Variants in PRKN observed in about 807,000 individuals in gnomAD.
PRKN encodes the protein E3 ubiquitin-protein ligase parkin.
A neutral mutation model predicts 59.5 loss-of-function variants in PRKN; 56 were observed. The ratio of observed to expected loss-of-function variants is 0.94; its 90% CI spans 0.76 to 1.18. The LOEUF is 1.18. Among genes scored for constraint, PRKN ranks in the 50% most tolerant of loss-of-function variants. The pLI, the probability that PRKN is intolerant of heterozygous loss-of-function variation, is 0.00. For missense variants in PRKN, 657 were observed against 596.4 expected (o/e 1.10, Z -1.06); for synonymous variants, 250 against 222.1 (o/e 1.13, Z -1.12).
chr6:162,183,814 T>C lies in PRKN; in HGVS notation c.534+17317A>G, dbSNP rs953323238. Among the ~76,000 whole-genome samples, 44 of 152,196 alleles carry C rather than the reference T, an allele frequency of 2.9e-4. 1 individual carries two copies. The highest frequency in any genetic ancestry group is 2.4e-3 in the Admixed American group (37 of 15,280). ...CGATCCCTACCATACACCCCATTTA[T>C]GCAATAGCCAAGTAACTTTTTTCCA... On this transcript the variant is annotated intron_variant, in intron 4 of 11. Transcript: ENST00000366898.
chr6:161,985,835 C>T (rs1261589399), intron 5 of PRKN, among the ~76,000 whole-genome samples: 1 of 152,134 alleles, frequency 6.6e-6, no homozygotes, highest in Non-Finnish European at 1.5e-5. Context: ...GGCTGGACTT[C>T]CCCCCTTCAC....
intron 1 of PRKN, among the ~76,000 whole-genome samples, chr6:162,482,904 C>A (rs1041859781): frequency 6.7e-6 from 1 of 150,174 alleles, no homozygotes; most frequent in African/African-American, 2.5e-5. Flanking sequence ...AGCAGAAACA[C>A]TCCGGCCTGA....
intron 4 of PRKN, among the ~76,000 whole-genome samples, chr6:162,135,349 G>A (rs746778223): frequency 2.0e-5 from 3 of 152,056 alleles, no homozygotes; most frequent in Non-Finnish European, 4.4e-5. Context: ...TTTTATTCCC[G>A]ATTAGTTGTC....
At chr6:162,175,319 CA>C (rs1783483501) in intron 4 of PRKN, among the ~76,000 whole-genome samples, 1 of 152,122 alleles carries the variant, frequency 6.6e-6, no homozygotes, top group South Asian at 2.1e-4. Flanking sequence ...AAAAGTGAGC[CA>C]GGGGAGAAGG....
rs1415358144 is a variant in PRKN at position 161,525,896 on chromosome 6, A to G, written c.1083+22958T>C. 2.0e-5 allele frequency among the ~76,000 whole-genome samples: 3 copies of G among 152,222 alleles called. No homozygotes were observed. The highest frequency in any genetic ancestry group is 6.5e-5 in the Admixed American group (1 of 15,274). ...ACAACCCAATAACTTAGATAATGTTATTAATATGGGTATCAAATATTTTAA... is the reference window on the plus strand; with the variant it reads ...ACAACCCAATAACTTAGATAATGTTGTTAATATGGGTATCAAATATTTTAA... On this transcript the variant is annotated intron_variant, in intron 9 of 11. Transcript: ENST00000366898. This position sits in a 1 kb window ranked among gnomAD's most constrained non-coding sequence, Gnocchi z 4.7.
In PRKN at chr6:161,902,564, AT is replaced by A. The variant is rs869148690; in HGVS notation, c.734+70737del. 2.1e-4 allele frequency among the ~76,000 whole-genome samples: 23 copies of A among 112,050 alleles called. 1 individual carries two copies. Among genetic ancestry groups the A allele is most frequent in the African/African-American group, 4.3e-4 (13 of 29,908 alleles). 73.5% of individuals were successfully genotyped at this position (112,050 alleles called of 152,430 possible). ...TATCTATCTATTTATTTATTTATTT[AT>A]TTTTTTTTTTTTGCGACAGAGTCTT... On this transcript the variant is annotated intron_variant, in intron 6 of 11. Transcript: ENST00000366898.
intron 7 of PRKN, among the ~76,000 whole-genome samples, chr6:161,591,317 T>TA (rs1333094163): frequency 7.9e-5 from 12 of 151,902 alleles, no homozygotes; most frequent in South Asian, 6.3e-4. Flanking sequence ...TTTCCTTTGG[T>TA]AAAAAAAAGT....
intron 1 of PRKN, among the ~76,000 whole-genome samples, chr6:162,465,755 T>C (rs1260215155): frequency 1.3e-5 from 2 of 152,172 alleles, no homozygotes; most frequent in African/African-American, 2.4e-5. Flanking sequence ...GAAAATATAT[T>C]ATATGATAAT....
intron 1 of PRKN, among the ~76,000 whole-genome samples, chr6:162,510,503 G>A (rs1337018136): frequency 1.3e-5 from 2 of 152,182 alleles, no homozygotes; most frequent in African/African-American, 2.4e-5. Flanking sequence ...GAGGAAGCAG[G>A]GACTGCTCTC....
At chr6:161,785,142 T>C (rs981500290) in intron 7 of PRKN, among the ~76,000 whole-genome samples, 42 of 152,260 alleles carry the variant, frequency 2.8e-4, no homozygotes, top group African/African-American at 9.6e-4. Flanking sequence ...GTAGGAGGTG[T>C]TCAGAAAGTT....
chr6:162,459,430 T>A (rs1791055364), intron 1 of PRKN, among the ~76,000 whole-genome samples: 2 of 152,202 alleles, frequency 1.3e-5, no homozygotes. Flanking sequence ...AATTGTCAGT[T>A]AGATGGTCAG....
chr6:161,709,678 A>C (rs1212309069), intron 7 of PRKN, among the ~76,000 whole-genome samples: 2 of 152,136 alleles, frequency 1.3e-5, no homozygotes, highest in Admixed American at 6.5e-5. Flanking sequence ...CAAACACTTC[A>C]CCTGTTATTT....
chr6:162,579,940 C>A (rs1780723413), intron 1 of PRKN, among the ~76,000 whole-genome samples: 1 of 152,192 alleles, frequency 6.6e-6, no homozygotes, highest in Admixed American at 6.5e-5. Context: ...CCCCACAACA[C>A]ATTCCCCACA....
chr6:162,300,498 GTT>G (rs112734363), intron 2 of PRKN, among the ~76,000 whole-genome samples: 2 of 148,646 alleles, frequency 1.3e-5, no homozygotes, highest in Admixed American at 6.7e-5. Flanking sequence ...AGCTCTCTGC[GTT>G]TTTTTTTTCT....
intron 4 of PRKN, among the ~76,000 whole-genome samples, chr6:162,131,708 C>T (rs369154771): frequency 6.6e-6 from 1 of 152,036 alleles, no homozygotes; most frequent in African/African-American, 2.4e-5. Flanking sequence ...TAGAAACAAG[C>T]CTTAAATTTT....
At chr6:162,681,331 G>T (rs931853174) in intron 1 of PRKN, among the ~76,000 whole-genome samples, 1 of 152,124 alleles carries the variant, frequency 6.6e-6, no homozygotes, top group Non-Finnish European at 1.5e-5. Context: ...AAGGTGTGTT[G>T]GATGCCTGAA....
intron 6 of PRKN, among the ~76,000 whole-genome samples, chr6:161,893,930 A>G (rs190623070): frequency 3.3e-5 from 5 of 152,318 alleles, no homozygotes; most frequent in African/African-American, 1.2e-4. Flanking sequence ...ATTTTGGCAC[A>G]CGATTTGTCA....
At chr6:161,831,846 C>G (rs1358798784) in intron 6 of PRKN, among the ~76,000 whole-genome samples, 1 of 152,180 alleles carries the variant, frequency 6.6e-6, no homozygotes, top group African/African-American at 2.4e-5. Flanking sequence ...TTTCCTACTA[C>G]AACACAAGTC....
chr6:161,661,918 G>A (rs1288899475), intron 7 of PRKN, among the ~76,000 whole-genome samples: 1 of 152,124 alleles, frequency 6.6e-6, no homozygotes, highest in Non-Finnish European at 1.5e-5. Flanking sequence ...AGCTACTCGG[G>A]AGGCTGAGGC....
Sources: allele counts gnomAD v4.1 joint callset (sites outside exome capture counted in the v4.1 genomes callset), GRCh38; gene constraint gnomAD v4.1.1; non-coding constraint Gnocchi (gnomAD v3.1); transcripts MANE v1.5; gene names NCBI Gene and HGNC (gene_info 2026-07-23, HGNC 2026-07-21).